Variants in HTR3A observed in about 807,000 individuals in gnomAD.
HTR3A encodes 5-hydroxytryptamine (serotonin) receptor 3A, ionotropic.
Under a neutral mutation model 54.8 loss-of-function variants are expected in HTR3A, and 45 were observed. That is an observed-to-expected ratio of 0.82 (90% confidence interval 0.65 to 1.05). HTR3A has a LOEUF of 1.05. HTR3A is among the 50% of genes least tolerant of loss of function. The pLI is 0.00. For missense variants in HTR3A, 657 were observed against 614.0 expected, an observed-to-expected ratio of 1.07 and a Z score of -0.74; for synonymous variants, 297 against 256.0, an observed-to-expected ratio of 1.16 and a Z score of -1.53.
At chr11:113,978,726 C>G (rs1467758771) in intron 2 of HTR3A, among the ~76,000 whole-genome samples, 1 of 152,160 alleles carries the variant, frequency 6.6e-6, no homozygotes. Context: ...CACAGTGGCT[C>G]ACACCTGTAA....
Position 113,977,882 on chromosome 11 carries a change from C to T in HTR3A, c.179C>T (p.Thr60Ile), listed in dbSNP as rs1325430181. ...GTGAGGGACTGGAGGAAGCCAACCA[C>T]CGTATCCATTGACGTCATTGTCTAT... ...RPVRDWRKPTTVSIDVIVYAI... is the reference protein window; with the variant it reads ...RPVRDWRKPTIVSIDVIVYAI... Residue 60 changes from threonine to isoleucine, a missense_variant, in exon 2 of 9, where the codon ACC (threonine) becomes ATC (isoleucine). Physicochemically the swap from Thr to Ile is moderately conservative, Grantham distance 89 (BLOSUM62 -1). Transcript: ENST00000504030. 6.2e-7 allele frequency: 1 copy of T among 1,614,252 alleles called. No homozygotes were observed. The highest frequency in any genetic ancestry group is 8.5e-7 in the Non-Finnish European group (1 of 1,180,044).
chr11:113,978,068 T>G, intron 2 of HTR3A, 146 bp downstream of exon 2: 1 of 974,382 alleles, frequency 1.0e-6, no homozygotes, highest in Non-Finnish European at 1.6e-6. Flanking sequence ...GGATGGATTG[T>G]AGCATCATCT....
chr11:113,976,223 A>G (rs1263441058), intron 1 of HTR3A, among the ~76,000 whole-genome samples: 1 of 152,060 alleles, frequency 6.6e-6, no homozygotes, highest in African/African-American at 2.4e-5. Flanking sequence ...TCCGTGGGTT[A>G]AGCAAACGCA....
intron 5 of HTR3A, among the ~76,000 whole-genome samples, chr11:113,984,645 G>A (rs3867473): frequency 0.66 from 100,447 of 152,092 alleles, 35,254 homozygotes; most frequent in Middle Eastern, 0.81. Context: ...CAGGCCGGGC[G>A]CGGTGGCTCA....
intron 3 of HTR3A, among the ~76,000 whole-genome samples, chr11:113,979,528 G>T (rs1272655080): frequency 6.6e-6 from 1 of 152,102 alleles, no homozygotes. Flanking sequence ...CCAAACTATG[G>T]CTTGTCCCAG....
In HTR3A at chr11:113,977,834, A is replaced by C. The variant is rs186762351; in HGVS notation, c.131A>C (p.Asn44Thr). The C allele has an allele frequency of 2.7e-5, 43 of 1,613,998 alleles. No individual in the cohort carries two copies. Among genetic ancestry groups the C allele is most frequent in the Non-Finnish European group, 3.4e-5 (40 of 1,180,026 alleles). ...LLRLSDYLLT[N>T]YRKGVRPVRD... is the part of the protein sequence containing the mutation. ...AGGCTGTCGGATTACCTTTTGACCA[A>C]CTACAGGAAGGGTGTGCGCCCCGTG... Residue 44 changes from asparagine (N) to threonine (T), a missense_variant, in exon 2 of 9, where the codon AAC becomes ACC. Transcript: ENST00000504030.
At chr11:113,988,547 C>T (rs748503868) in intron 8 of HTR3A, among the ~76,000 whole-genome samples, 20 of 152,026 alleles carry the variant, frequency 1.3e-4, no homozygotes, top group South Asian at 6.2e-4. Context: ...TGGTGGATCA[C>T]GAGGTCAGGA....
rs34498899 is a variant in HTR3A at position 113,976,571 on chromosome 11, TTGTGTGTGTGTGTGTGTGTGTG to T, written c.68-1178_68-1157del. On this transcript the variant is annotated intron_variant, in intron 1 of 8. Coordinates refer to ENST00000504030, the MANE Select transcript of HTR3A (RefSeq NM_000869.6). ...CCAAAGGAGACACTTAAAAAATAGTTTGTGTGTGTGTGTGTGTGTGTGTGTGTGTGTGTGTGTGTGTGTTCTC... is the reference window on the plus strand; with the variant it reads ...CCAAAGGAGACACTTAAAAAATAGTTTGTGTGTGTGTGTGTGTGTGTTCTC... 8.1e-5 allele frequency among the ~76,000 whole-genome samples: 11 copies of T among 135,424 alleles called. No individual in the cohort carries two copies. In the South Asian group the frequency reaches 1.6e-3, roughly 20 times the overall value. 88.8% of individuals were successfully genotyped at this position (135,424 alleles called of 152,430 possible). A position where few individuals can be genotyped will look rare whatever the true frequency, so the allele number is the denominator to read the frequency against.
chr11:113,984,131 C>G (rs935194253), intron 5 of HTR3A, among the ~76,000 whole-genome samples: 6 of 152,260 alleles, frequency 3.9e-5, no homozygotes, highest in Middle Eastern at 3.4e-3. Flanking sequence ...GCTGCTCCCC[C>G]CAACCACACC....
At chr11:113,979,144 C>A (rs1273573497) in intron 2 of HTR3A, 89 bp from the exon 3 acceptor site, 4 of 1,010,810 alleles carry the variant, frequency 4.0e-6, no homozygotes, top group African/African-American at 3.2e-5. Context: ...AATAGGGACA[C>A]AAGGAAGCCC....
chr11:113,986,240 G>A, intron 6 of HTR3A, 65 bp downstream of exon 6: 1 of 1,592,778 alleles, frequency 6.3e-7, no homozygotes, highest in Non-Finnish European at 8.6e-7. Flanking sequence ...ACTTAAGGAG[G>A]CATACTGGGA....
At chr11:113,982,212 G>T (rs1591602919) in intron 4 of HTR3A, among the ~76,000 whole-genome samples, 1 of 152,316 alleles carries the variant, frequency 6.6e-6, no homozygotes, top group African/African-American at 2.4e-5. Flanking sequence ...CACCAACTGG[G>T]TTTCAGAATT....
In HTR3A at chr11:113,977,874, G is replaced by A; in HGVS notation, c.171G>A (p.Lys57=). Residue 57 remains lysine, a synonymous_variant, in exon 2 of 9, where the codon AAG becomes AAA. Coordinates refer to ENST00000504030, the MANE Select transcript of HTR3A (RefSeq NM_000869.6). ...KGVRPVRDWR[K]PTTVSIDVIV... ...TGCGCCCCGTGAGGGACTGGAGGAA[G>A]CCAACCACCGTATCCATTGACGTCA... The A allele has an allele frequency of 1.2e-6, 2 of 1,614,210 alleles. No individual in the cohort carries two copies. Among genetic ancestry groups the A allele is most frequent in the Non-Finnish European group, 1.7e-6 (2 of 1,180,048 alleles).
intron 8 of HTR3A, among the ~76,000 whole-genome samples, chr11:113,988,141 G>A (rs151160372): frequency 1.0e-3 from 158 of 152,314 alleles, no homozygotes; most frequent in African/African-American, 3.7e-3. Flanking sequence ...CCTGACTAGG[G>A]CCAGGCCCTT....
At chr11:113,984,466 A>T (rs1950464372) in intron 5 of HTR3A, among the ~76,000 whole-genome samples, 1 of 152,140 alleles carries the variant, frequency 6.6e-6, no homozygotes, top group Non-Finnish European at 1.5e-5. Context: ...AAGTAAAAAA[A>T]ACTTGGAAAG....
chr11:113,977,028 G>T (rs1329608808), intron 1 of HTR3A, among the ~76,000 whole-genome samples: 2 of 152,086 alleles, frequency 1.3e-5, no homozygotes, highest in South Asian at 2.1e-4. Flanking sequence ...ACCTACCCCG[G>T]AAGTCGTTTG....
rs1286905003 is a variant in HTR3A at position 113,989,196 on chromosome 11, T to C, written c.1139-269T>C. Among the ~76,000 whole-genome samples, 1 of 29,032 alleles carries C rather than the reference T, an allele frequency of 3.4e-5. No individual in the cohort carries two copies. The highest frequency in any genetic ancestry group is 2.1e-3 in the East Asian group (1 of 466). The allele number at this position is 29,032 out of a possible 152,430, so 19.0% of individuals were successfully genotyped here. On this transcript the variant is annotated intron_variant, in intron 8 of 8. Transcript: ENST00000504030. This position sits in a 1 kb window ranked among gnomAD's most constrained non-coding sequence, Gnocchi z 4.4. ...CCAACGTGGTGAAATCCAGTTTCTA[T>C]TGAAAAAAAAAAAAAAATTAGCCAG...
rs1330890450 is a variant in HTR3A at position 113,986,610 on chromosome 11, G to GC, written c.804dup (p.Asn269GlnfsTer25). 1 of 1,613,638 alleles carries GC rather than the reference G, an allele frequency of 6.2e-7. No individual in the cohort carries two copies. The highest frequency in any genetic ancestry group is 8.5e-7 in the Non-Finnish European group (1 of 1,180,028). On this transcript the variant is annotated frameshift_variant, in exon 7 of 9. Transcript: ENST00000504030. LOFTEE classifies it high-confidence loss of function. ...TCATGGACATCGTGGGCTTCTACCT[G>GC]CCCCCCAACAGTGGCGAGAGGGTCT...
Position 113,986,684 on chromosome 11 carries a change from T to C in HTR3A, c.872T>C (p.Val291Ala). ...GGCTACTCGGTCTTCCTGATCATCG[T>C]TTCTGACACGCTGCCGGCCACTGCC... is the stretch of plus-strand genomic sequence containing the variant. ...LLGYSVFLII[V>A]SDTLPATAIG... The change falls in exon 7 of 9, where the codon GTT becomes GCT. Residue 291 changes from valine (V) to alanine (A), a missense_variant. Coordinates refer to ENST00000504030, the MANE Select transcript of HTR3A (RefSeq NM_000869.6). 9.3e-6 allele frequency: 15 copies of C among 1,614,186 alleles called. No individual in the cohort carries two copies. Among genetic ancestry groups the C allele is most frequent in the Non-Finnish European group, 1.3e-5 (15 of 1,180,042 alleles).
Sources: allele counts gnomAD v4.1 joint callset (sites outside exome capture counted in the v4.1 genomes callset), GRCh38; gene constraint gnomAD v4.1.1; non-coding constraint Gnocchi (gnomAD v3.1); transcripts MANE v1.5; gene names NCBI Gene and HGNC (gene_info 2026-07-23, HGNC 2026-07-21).